TEPSIN: variants seen among roughly 807,000 people sequenced by gnomAD.
The protein encoded by TEPSIN is AP-4 complex accessory subunit tepsin.
In TEPSIN, 50 loss-of-function variants were observed where a neutral mutation model predicts 48.5. The ratio of observed to expected loss-of-function variants is 1.03; its 90% CI spans 0.82 to 1.31. The LOEUF (loss-of-function observed/expected upper bound fraction) is 1.31. TEPSIN is among the 50% of genes most tolerant of loss of function. The pLI is 0.00. For synonymous variants in TEPSIN, 392 were observed against 358.8 expected (o/e 1.09, Z -1.05); for missense variants, 838 against 815.9 (o/e 1.03, Z -0.33).
At position 81,237,423 on chromosome 17, in the gene TEPSIN, C is replaced by T; in HGVS notation, c.85G>A (p.Val29Ile). 1.2e-6 allele frequency: 2 copies of T among 1,611,816 alleles called. No individual in the cohort carries two copies. The highest frequency in any genetic ancestry group is 8.5e-7 in the Non-Finnish European group (1 of 1,179,384). The stretch of plus-strand genomic sequence containing the variant: ...TCAAACAGGTAGCCCGGACACGGGA[C>T]ATCATCATCGGACGTCCCCTTCAGG... ...ILLKGTSDDDVPCPGYLFEEI... is the reference protein window; with the variant it reads ...ILLKGTSDDDIPCPGYLFEEI... Residue 29 changes from valine to isoleucine, a missense_variant, in exon 2 of 13, where the codon GTC (valine) becomes ATC (isoleucine). Transcript: ENST00000637944.
At chr17:81,232,109 G>A (rs943115049) in intron 8 of TEPSIN, 88 bp from the exon 9 acceptor site, 125 of 1,483,728 alleles carry the variant, frequency 8.4e-5, no homozygotes, top group Non-Finnish European at 1.1e-4. Flanking sequence ...AGGAGGCCTC[G>A]GGGGCTGAGT....
At chr17:81,229,868 A>T in intron 12 of TEPSIN, 1 of 257,718 alleles carries the variant, frequency 3.9e-6, no homozygotes, top group South Asian at 5.1e-5. Flanking sequence ...TAGAAACCCC[A>T]CTATGAGGTT....
rs79143194 is a variant in TEPSIN, at chr17:81,230,889, C to A, written c.1099-211G>T. 0.016 allele frequency: 8,857 copies of A among 557,846 alleles called. 154 individuals are homozygous for A. The highest frequency in any genetic ancestry group is 0.084 in the African/African-American group (3,350 of 39,976). The allele number at this position is 557,846 out of a possible 1,614,324, so 34.6% of individuals were successfully genotyped here. A position where few individuals can be genotyped will look rare whatever the true frequency, so the allele number is the denominator to read the frequency against. Reference sequence around the variant, plus strand: ...CCCTGTCCTCACCACCTTACACCCCCGCTCCCAGACACCAGAGCCCTGTCT... The same window carrying A: ...CCCTGTCCTCACCACCTTACACCCCAGCTCCCAGACACCAGAGCCCTGTCT... On this transcript the variant is annotated intron_variant, in intron 11 of 12. Coordinates refer to ENST00000637944, the MANE Select transcript of TEPSIN (RefSeq NM_001363764.2). The surrounding 1 kb of genome is among the most constrained non-coding windows in gnomAD (Gnocchi z 4.2).
At position 81,236,690 on chromosome 17, in the gene TEPSIN, C is replaced by G. The variant is rs199619729; in HGVS notation, c.307+18G>C. ...CCAAAGCCCTGGCTCTTCCTGAGCG[C>G]GTGCGCGGCCCCTGTACCTGCAGCT... On this transcript the variant is annotated intron_variant, in intron 4 of 12. Coordinates refer to ENST00000637944, the MANE Select transcript of TEPSIN (RefSeq NM_001363764.2). 5 of 1,551,720 alleles carry G rather than the reference C, an allele frequency of 3.2e-6. No homozygotes were observed. Among genetic ancestry groups the G allele is most frequent in the Non-Finnish European group, 4.4e-6 (5 of 1,147,486 alleles).
chr17:81,230,295 G>C lies in TEPSIN; in HGVS notation c.1233+249C>G. 5.9e-6 allele frequency: 3 copies of C among 512,806 alleles called. No individual in the cohort carries two copies. The South Asian group carries it at 7.5e-5, about 13-fold the overall frequency. The allele number at this position is 512,806 out of a possible 1,614,324, so 31.8% of individuals were successfully genotyped here. ...GAACATTAAGGCAGCGGAGTCTGGG[G>C]GCTTCCAGGAATAGGTAGAGGCCAG... On this transcript the variant is annotated intron_variant, in intron 12 of 12. Coordinates refer to ENST00000637944, the MANE Select transcript of TEPSIN (RefSeq NM_001363764.2). This position sits in a 1 kb window ranked among gnomAD's most constrained non-coding sequence, Gnocchi z 4.2.
intron 4 of TEPSIN, among the ~76,000 whole-genome samples, chr17:81,235,018 T>G (rs1466226078): frequency 6.6e-6 from 1 of 152,126 alleles, no homozygotes; most frequent in Non-Finnish European, 1.5e-5. Flanking sequence ...AGAGACATGC[T>G]AGCCCCAAGA....
Position 81,238,968 on chromosome 17 carries a change from C to G in TEPSIN, c.48+18G>C. ...AGGAGCCGTGGGACCGGGGCCCGGGCGGACCGCCCTCACTCACCCGGTGTA... is the reference window on the plus strand; with the variant it reads ...AGGAGCCGTGGGACCGGGGCCCGGGGGGACCGCCCTCACTCACCCGGTGTA... On this transcript the variant is annotated intron_variant, in intron 1 of 12. Transcript: ENST00000637944. The G allele has an allele frequency of 6.9e-7, 1 of 1,442,670 alleles. No homozygotes were observed. Among genetic ancestry groups the G allele is most frequent in the Non-Finnish European group, 9.1e-7 (1 of 1,104,734 alleles). The allele number at this position is 1,442,670 out of a possible 1,614,324, so 89.4% of individuals were successfully genotyped here. A position where few individuals can be genotyped will look rare whatever the true frequency, so the allele number is the denominator to read the frequency against.
intron 4 of TEPSIN, 166 bp downstream of exon 4, chr17:81,236,542 G>A (rs912912779): frequency 1.4e-6 from 1 of 737,638 alleles, no homozygotes; most frequent in African/African-American, 1.8e-5. Flanking sequence ...GGCAGCAGGT[G>A]GAGAGGCCAG....
At position 81,231,474 on chromosome 17, in the gene TEPSIN, C is replaced by T. The variant is rs1194780314; in HGVS notation, c.1022G>A (p.Cys341Tyr). 1.9e-6 allele frequency: 3 copies of T among 1,569,102 alleles called. No individual in the cohort carries two copies. Among genetic ancestry groups the T allele is most frequent in the Non-Finnish European group, 2.6e-6 (3 of 1,156,990 alleles). Residue 341 changes from cysteine to tyrosine, a missense_variant and splice_region_variant, in exon 11 of 13, where the codon TGT (cysteine) becomes TAT (tyrosine). By Grantham distance (194) the Cys-to-Tyr change is radical (BLOSUM62 -2). Transcript: ENST00000637944. ...REEAQHFIKACGLLNCEAVLQ... is the reference protein window; with the variant it reads ...REEAQHFIKAYGLLNCEAVLQ... ...CACGGCCTCACAGTTGAGCAGTCCA[C>T]ACCTGCACAGAGGGGACACCTGGGT... is the stretch of plus-strand genomic sequence containing the variant.
chr17:81,232,546 G>T, intron 7 of TEPSIN, 28 bp from the exon 8 acceptor site: 1 of 1,521,284 alleles, frequency 6.6e-7, no homozygotes, highest in Non-Finnish European at 8.8e-7. Context: ...GAGATGGGAC[G>T]GCCGCCCAGT....
chr17:81,233,984 C>G lies in TEPSIN; in HGVS notation c.372G>C (p.Ala124=). Residue 124 remains alanine (A), a synonymous_variant, in exon 5 of 13, where the codon GCG becomes GCC. Coordinates refer to ENST00000637944, the MANE Select transcript of TEPSIN (RefSeq NM_001363764.2). The surrounding 1 kb of genome is among the most constrained non-coding windows in gnomAD (Gnocchi z 5.8). ...NSLYQKVRAA[A]QDLGSTLFSD... The stretch of plus-strand genomic sequence containing the variant: ...GCGACACTGCTCCTGGGCTCACCTG[C>G]GCGGCCGCGCGAACCTTCTGGTACA... The G allele has an allele frequency of 6.3e-7, 1 of 1,598,800 alleles. No individual in the cohort carries two copies.
intron 4 of TEPSIN, among the ~76,000 whole-genome samples, chr17:81,235,699 C>T (rs142310203): frequency 1.6e-3 from 238 of 152,246 alleles, no homozygotes; most frequent in African/African-American, 5.2e-3. Flanking sequence ...CCCTCTGGCC[C>T]GCTGAATGGT....
Position 81,228,969 on chromosome 17 carries a change from G to A in TEPSIN, c.1741C>T (p.Pro581Ser), listed in dbSNP as rs201349305. 8 of 1,613,862 alleles carry A rather than the reference G, an allele frequency of 5.0e-6. No individual in the cohort carries two copies. In the East Asian group the frequency reaches 1.8e-4, roughly 36 times the overall value. The change falls in exon 13 of 13, where the codon CCT (proline) becomes TCT (serine). Residue 581 changes from proline to serine, a missense_variant. Physicochemically the swap from Pro to Ser is moderately conservative, Grantham distance 74. Transcript: ENST00000637944. ...GCGAAAGCTGACGGCTCTGAGCCAG[G>A]AGGCTCTTTGGCTGCTGTCCTCTGG... ...SSQRTAAKEP[P>S]GSEPSAFAFL...
At chr17:81,232,571 C>T (rs530326732) in intron 7 of TEPSIN, 53 bp from the exon 8 acceptor site, 883 of 1,479,534 alleles carry the variant, frequency 6.0e-4, no homozygotes, top group Middle Eastern at 9.6e-4. Context: ...CCCCCACCCG[C>T]GTTCTCTGGG....
In TEPSIN at chr17:81,233,853, C is replaced by A; in HGVS notation, c.375+128G>T. ...AGCTGGACACAGGCTCTGTGTCCAC[C>A]AGCAAGGAGCAGAGGCAGGGGTCCC... On this transcript the variant is annotated intron_variant, in intron 5 of 12. Coordinates refer to ENST00000637944, the MANE Select transcript of TEPSIN (RefSeq NM_001363764.2). This position sits in a 1 kb window ranked among gnomAD's most constrained non-coding sequence, Gnocchi z 5.8. 7.3e-7 allele frequency: 1 copy of A among 1,363,112 alleles called. No homozygotes were observed. Among genetic ancestry groups the A allele is most frequent in the South Asian group, 1.4e-5 (1 of 70,428 alleles). The allele number at this position is 1,363,112 out of a possible 1,614,324, so 84.4% of individuals were successfully genotyped here.
rs908409714 is a variant in TEPSIN, at chr17:81,234,531, C to T, written c.308-483G>A. ...CTGGGGCTTCTTTCCTTAAATCTTC[C>T]GGCCCCAGGGCCCCCCAAGCCTACA... On this transcript the variant is annotated intron_variant, in intron 4 of 12. Coordinates refer to ENST00000637944, the MANE Select transcript of TEPSIN (RefSeq NM_001363764.2). The surrounding 1 kb of genome is among the most constrained non-coding windows in gnomAD (Gnocchi z 5.4). Among the ~76,000 whole-genome samples the T allele has an allele frequency of 4.0e-5, 6 of 151,850 alleles. No homozygotes were observed. The highest frequency in any genetic ancestry group is 2.1e-4 in the South Asian group (1 of 4,792).
At chr17:81,236,200 G>T (rs1415024371) in intron 4 of TEPSIN, among the ~76,000 whole-genome samples, 2 of 152,222 alleles carry the variant, frequency 1.3e-5, no homozygotes, top group Non-Finnish European at 2.9e-5. Context: ...TGCCTGGACA[G>T]ACCGACTGGC....
intron 8 of TEPSIN, 54 bp downstream of exon 8, chr17:81,232,260 CG>C: frequency 6.9e-7 from 1 of 1,458,672 alleles, no homozygotes; most frequent in Non-Finnish European, 9.1e-7. Flanking sequence ...AAAGCCCCAG[CG>C]GTGACAGGAA....
intron 8 of TEPSIN, 55 bp downstream of exon 8, chr17:81,232,260 C>T (rs1214245575): frequency 7.5e-6 from 11 of 1,458,554 alleles, no homozygotes; most frequent in African/African-American, 7.1e-5. Context: ...AAAGCCCCAG[C>T]GGTGACAGGA....
Sources: gnomAD v4.1 joint callset for allele counts (sites outside exome capture counted in the v4.1 genomes callset) on GRCh38, gnomAD v4.1.1 for gene constraint, Gnocchi (gnomAD v3.1) non-coding constraint, MANE v1.5 for transcripts, NCBI Gene and HGNC (gene_info 2026-07-23, HGNC 2026-07-21) for gene names.